KLHL1: variants seen among roughly 807,000 people sequenced by gnomAD.
The protein encoded by KLHL1 is kelch like family member 1, also known as kelch-like protein 1.
In KLHL1, 47 loss-of-function variants were observed where a neutral mutation model predicts 77.7. The observed-to-expected ratio is 0.60, with a 90% confidence interval of 0.48 to 0.77. The LOEUF (loss-of-function observed/expected upper bound fraction) is 0.77. KLHL1 is among the 30% of genes least tolerant of loss of function. The pLI is 0.00. For synonymous variants in KLHL1, 360 were observed against 325.2 expected (o/e 1.11, Z -1.15); for missense variants, 925 against 910.8 (o/e 1.02, Z -0.20).
chr13:70,054,114 G>A (rs573006460), intron 1 of KLHL1, among the ~76,000 whole-genome samples: 22 of 152,184 alleles, frequency 1.4e-4, no homozygotes, highest in Admixed American at 5.9e-4. Context: ...GAAAAAGCCA[G>A]GGAAGAAACT....
chr13:69,884,846 G>A (rs17085595), intron 4 of KLHL1, among the ~76,000 whole-genome samples: 7,203 of 151,812 alleles, frequency 0.047, 420 homozygotes, highest in African/African-American at 0.13. Flanking sequence ...AATCTATCTC[G>A]TAGGAAGGCT....
At chr13:70,042,804 C>T (rs2137381455) in intron 1 of KLHL1, among the ~76,000 whole-genome samples, 1 of 152,268 alleles carries the variant, frequency 6.6e-6, no homozygotes, top group African/African-American at 2.4e-5. Context: ...GCATTGCTAT[C>T]CTAGGAGATG....
intron 1 of KLHL1, among the ~76,000 whole-genome samples, chr13:70,010,039 A>G (rs866086624): frequency 7.9e-5 from 12 of 152,282 alleles, no homozygotes; most frequent in African/African-American, 2.6e-4. Context: ...GAGAAAAAAA[A>G]AAGCAAGGCA....
At chr13:69,829,917 GCC>G (rs1878694922) in intron 6 of KLHL1, among the ~76,000 whole-genome samples, 1 of 150,020 alleles carries the variant, frequency 6.7e-6, no homozygotes, top group Non-Finnish European at 1.5e-5. Context: ...ATTTGGCACT[GCC>G]AAGCCAGCAC....
intron 6 of KLHL1, among the ~76,000 whole-genome samples, chr13:69,801,045 T>A (rs751081073): frequency 6.6e-6 from 1 of 152,182 alleles, no homozygotes; most frequent in Non-Finnish European, 1.5e-5. Context: ...AGAATATACA[T>A]TATTCGGGTG....
At chr13:70,014,927 A>G (rs1365771051) in intron 1 of KLHL1, among the ~76,000 whole-genome samples, 1 of 152,138 alleles carries the variant, frequency 6.6e-6, no homozygotes, top group African/African-American at 2.4e-5. Context: ...CCATTTTAAA[A>G]CAACACATTT....
chr13:69,914,261 G>A (rs561201473), intron 4 of KLHL1, among the ~76,000 whole-genome samples: 7 of 152,202 alleles, frequency 4.6e-5, no homozygotes, highest in Non-Finnish European at 1.0e-4. Context: ...GAGACGCAGA[G>A]CACACATCTT....
intron 8 of KLHL1, among the ~76,000 whole-genome samples, chr13:69,731,180 T>C (rs185792262): frequency 1.2e-3 from 179 of 152,168 alleles, no homozygotes; most frequent in African/African-American, 4.0e-3. Context: ...AAAGTGACAA[T>C]ATTAACACAA....
At position 69,940,094 on chromosome 13, in the gene KLHL1, G is replaced by A. The variant is rs765444940; in HGVS notation, c.960C>T (p.Phe320=). The change falls in exon 4 of 11, where the codon TTC becomes TTT. Residue 320 remains phenylalanine, a synonymous_variant. Transcript: ENST00000377844. The part of the protein sequence containing the change: ...HPSNCLGIRA[F]ADAQGCIELM... ...ACTCAATGCATCCTTGAGCATCTGCGAAGGCTCGAATTCCTAAACAGTTAG... is the reference window on the plus strand; with the variant it reads ...ACTCAATGCATCCTTGAGCATCTGCAAAGGCTCGAATTCCTAAACAGTTAG... 2.1e-5 allele frequency: 34 copies of A among 1,612,600 alleles called. No homozygotes were observed. The highest frequency in any genetic ancestry group is 1.7e-4 in the Middle Eastern group (1 of 6,048).
intron 7 of KLHL1, among the ~76,000 whole-genome samples, chr13:69,794,514 A>G (rs1026294789): frequency 2.0e-5 from 3 of 152,150 alleles, no homozygotes; most frequent in Non-Finnish European, 4.4e-5. Flanking sequence ...AACAGTAGAA[A>G]AAAAAAGAGG....
chr13:70,064,433 A>G (rs1886960362), intron 1 of KLHL1, among the ~76,000 whole-genome samples: 1 of 152,174 alleles, frequency 6.6e-6, no homozygotes, highest in Non-Finnish European at 1.5e-5. Context: ...AGAAGTGAAT[A>G]TTAAATAAAT....
chr13:69,772,453 T>C (rs1875618424), intron 7 of KLHL1, among the ~76,000 whole-genome samples: 1 of 152,074 alleles, frequency 6.6e-6, no homozygotes, highest in Non-Finnish European at 1.5e-5. Flanking sequence ...TTCTATTTAT[T>C]TTTCTCAGTG....
intron 1 of KLHL1, among the ~76,000 whole-genome samples, chr13:69,984,398 T>C (rs1198359024): frequency 6.6e-6 from 1 of 152,096 alleles, no homozygotes; most frequent in African/African-American, 2.4e-5. Flanking sequence ...ACATGGCAGA[T>C]CCATCTTCCA....
At chr13:69,999,144 G>A (rs1321696926) in intron 1 of KLHL1, among the ~76,000 whole-genome samples, 1 of 152,200 alleles carries the variant, frequency 6.6e-6, no homozygotes, top group East Asian at 1.9e-4. Context: ...TGTAGCATAT[G>A]TATATGTATT....
chr13:70,010,842 A>G (rs556735721), intron 1 of KLHL1, among the ~76,000 whole-genome samples: 50 of 152,048 alleles, frequency 3.3e-4, no homozygotes, highest in African/African-American at 1.1e-3. Context: ...CAGTGAGCCA[A>G]GATTGCGCCA....
intron 4 of KLHL1, among the ~76,000 whole-genome samples, chr13:69,920,479 A>G (rs872604): frequency 0.013 from 2,019 of 152,264 alleles, 74 homozygotes; most frequent in Admixed American, 0.072. Flanking sequence ...GTTACTTAAC[A>G]CATATCAGAA....
rs1234881795 is a variant in KLHL1 at position 69,783,762 on chromosome 13, T to G, written c.1639+12976A>C. On this transcript the variant is annotated intron_variant, in intron 7 of 10. Coordinates refer to ENST00000377844, the MANE Select transcript of KLHL1 (RefSeq NM_020866.3). ...CCAAGTTGGAAAACACTCTGCGGGA[T>G]ATTATCCAGGAGAACTTCCCCAATC... Among the ~76,000 whole-genome samples, 4 of 140,824 alleles carry G rather than the reference T, an allele frequency of 2.8e-5. 1 individual carries two copies. The East Asian group carries it at 6.0e-4, about 21-fold the overall frequency. The allele number at this position is 140,824 out of a possible 152,430, so 92.4% of individuals were successfully genotyped here. A position where few individuals can be genotyped will look rare whatever the true frequency, so the allele number is the denominator to read the frequency against.
chr13:69,874,321 A>G (rs928314343), intron 5 of KLHL1, among the ~76,000 whole-genome samples: 1 of 152,010 alleles, frequency 6.6e-6, no homozygotes, highest in Non-Finnish European at 1.5e-5. Context: ...TATTTTGGTG[A>G]TATCATGTTA....
rs748461917 is a variant in KLHL1, at chr13:70,107,413, A to G, written c.287T>C (p.Leu96Pro). 4 of 1,612,722 alleles carry G rather than the reference A, an allele frequency of 2.5e-6. No individual in the cohort carries two copies. The East Asian group carries it at 8.9e-5, about 36-fold the overall frequency. The change falls in exon 1 of 11, where the codon CTG becomes CCG. Residue 96 changes from leucine (L) to proline (P), a missense_variant. Transcript: ENST00000377844. ...CTGCAGCCTCGTGGCAACTGGAAGCAGGGTGCCATTCAGCGGATTGAAGGA... is the reference window on the plus strand; with the variant it reads ...CTGCAGCCTCGTGGCAACTGGAAGCGGGGTGCCATTCAGCGGATTGAAGGA... ...SSSFNPLNGTLLPVATRLQQG... is the reference protein window; with the variant it reads ...SSSFNPLNGTPLPVATRLQQG...
Sources: gnomAD v4.1 joint callset for allele counts (sites outside exome capture counted in the v4.1 genomes callset) on GRCh38, gnomAD v4.1.1 for gene constraint, MANE v1.5 for transcripts, NCBI Gene and HGNC (gene_info 2026-07-23, HGNC 2026-07-21) for gene names.